GLIS3: variants seen among roughly 807,000 people sequenced by gnomAD.
GLIS3 encodes the protein GLIS family zinc finger 3, also known as zinc finger protein GLIS3.
In GLIS3, 53 loss-of-function variants were observed where a neutral mutation model predicts 78.6. The ratio of observed to expected loss-of-function variants is 0.67; its 90% CI spans 0.54 to 0.85. GLIS3 has a LOEUF of 0.85. Ranked by LOEUF, GLIS3 falls within the 40% of genes least tolerant of loss-of-function variation. GLIS3 has a pLI of 0.00. For synonymous variants in GLIS3, 684 were observed against 509.9 expected (o/e 1.34, Z -4.60); for missense variants, 1,703 against 1,231.1 (o/e 1.38, Z -5.74).
intron 2 of GLIS3, among the ~76,000 whole-genome samples, chr9:4,326,676 T>C (rs1414440824): frequency 6.8e-6 from 1 of 146,722 alleles, no homozygotes; most frequent in Non-Finnish European, 1.5e-5. Context: ...CACCAAAAAG[T>C]AGTTTGAATA....
At chr9:4,339,993 G>C (rs1258106556) in intron 2 of GLIS3, among the ~76,000 whole-genome samples, 2 of 151,478 alleles carry the variant, frequency 1.3e-5, no homozygotes, top group African/African-American at 4.9e-5. Flanking sequence ...TATTGACCAA[G>C]ACACAAAGAC....
chr9:4,022,813 G>C (rs1822998424), intron 4 of GLIS3, among the ~76,000 whole-genome samples: 1 of 152,146 alleles, frequency 6.6e-6, no homozygotes, highest in Non-Finnish European at 1.5e-5. Context: ...AAAGAAACCA[G>C]ACACAAGAAA....
At chr9:4,054,517 C>A (rs565521058) in intron 4 of GLIS3, 1 of 985,026 alleles carries the variant, frequency 1.0e-6, no homozygotes, top group Admixed American at 6.2e-5. Flanking sequence ...TGGCAGTCTA[C>A]AGAGAAGGAG....
At chr9:4,401,077 C>G in the GLIS3 span, among the ~76,000 whole-genome samples, 4 of 152,134 alleles carry the variant, frequency 2.6e-5, no homozygotes, top group African/African-American at 7.2e-5. Flanking sequence ...GGCACCAGCT[C>G]AGCCACAGTA....
chr9:3,851,761 A>C (rs1819447847), intron 9 of GLIS3, among the ~76,000 whole-genome samples: 1 of 152,224 alleles, frequency 6.6e-6, no homozygotes, highest in African/African-American at 2.4e-5. Flanking sequence ...GCATCTACAC[A>C]CAGAGCAATC....
intron 4 of GLIS3, among the ~76,000 whole-genome samples, chr9:3,965,193 C>CTTTTTTTTTTTTTTTTTTTTTT (rs34951383): frequency 3.0e-5 from 3 of 100,152 alleles, no homozygotes; most frequent in African/African-American, 7.9e-5. Context: ...CTTTTCTTTT[C>CTTTTTTTTTTTTTTTTTTTTTT]TTTTTTTTTT....
At chr9:4,422,077 C>G in the GLIS3 span, among the ~76,000 whole-genome samples, 4 of 152,196 alleles carry the variant, frequency 2.6e-5, no homozygotes, top group African/African-American at 4.8e-5. Flanking sequence ...GCAGATTTCT[C>G]AAAAAGTCAA....
At chr9:4,358,208 G>T in the GLIS3 span, among the ~76,000 whole-genome samples, 1 of 152,260 alleles carries the variant, frequency 6.6e-6, no homozygotes, top group East Asian at 1.9e-4. Context: ...GTAAATACTA[G>T]TTGCTGCTAG....
intron 4 of GLIS3, chr9:4,305,400 C>A (rs966949989): frequency 2.0e-5 from 3 of 152,290 alleles, no homozygotes; most frequent in Admixed American, 1.3e-4. Context: ...AAGGTTGAAT[C>A]GGAATTGTGA....
At chr9:3,858,840 A>C (rs1307452557) in intron 8 of GLIS3, among the ~76,000 whole-genome samples, 1 of 152,212 alleles carries the variant, frequency 6.6e-6, no homozygotes, top group Non-Finnish European at 1.5e-5. Context: ...AGTCCAGCAT[A>C]AGAAGTAAGT....
intron 6 of GLIS3, among the ~76,000 whole-genome samples, chr9:3,926,395 T>C (rs1162960094): frequency 6.6e-6 from 1 of 151,958 alleles, no homozygotes; most frequent in Non-Finnish European, 1.5e-5. Context: ...CACGCCTGGC[T>C]AATTTTTTGT....
At chr9:4,083,245 C>G (rs1828710774) in intron 4 of GLIS3, among the ~76,000 whole-genome samples, 1 of 152,128 alleles carries the variant, frequency 6.6e-6, no homozygotes. Context: ...GACCCTCTTA[C>G]TAGAATTTGG....
chr9:4,354,876 G>C, the GLIS3 span, among the ~76,000 whole-genome samples: 1 of 152,134 alleles, frequency 6.6e-6, no homozygotes, highest in Non-Finnish European at 1.5e-5. Flanking sequence ...CAACACTTTG[G>C]GAGGCCGAGG....
At chr9:4,032,962 T>C (rs1823975776) in intron 4 of GLIS3, among the ~76,000 whole-genome samples, 1 of 152,156 alleles carries the variant, frequency 6.6e-6, no homozygotes, top group Non-Finnish European at 1.5e-5. Flanking sequence ...CACACCATTC[T>C]GCTGCCTCAG....
the GLIS3 span, among the ~76,000 whole-genome samples, chr9:4,424,561 T>C: frequency 2.2e-4 from 34 of 152,208 alleles, no homozygotes; most frequent in African/African-American, 7.9e-4. Context: ...TTTGCTTTTG[T>C]TTTTGTTTGT....
chr9:4,349,249 A>C (rs1817931896), upstream of GLIS3, among the ~76,000 whole-genome samples: 1 of 152,216 alleles, frequency 6.6e-6, no homozygotes, highest in Admixed American at 6.5e-5. Flanking sequence ...ACTGGTATGC[A>C]CACTTGCAGA....
intron 2 of GLIS3, among the ~76,000 whole-genome samples, chr9:4,128,914 G>C (rs1366646804): frequency 6.6e-6 from 1 of 152,124 alleles, no homozygotes; most frequent in Non-Finnish European, 1.5e-5. Flanking sequence ...AAGCCAAAAG[G>C]CCAAGAAGCG....
chr9:4,488,916 G>C, the GLIS3 span, among the ~76,000 whole-genome samples: 3 of 151,508 alleles, frequency 2.0e-5, no homozygotes, highest in Non-Finnish European at 4.4e-5. Context: ...GCCTAGGCTG[G>C]AGCGCAGTGG....
intron 2 of GLIS3, among the ~76,000 whole-genome samples, chr9:4,142,523 G>C (rs569345823): frequency 6.6e-6 from 1 of 152,104 alleles, no homozygotes; most frequent in Non-Finnish European, 1.5e-5. Context: ...GCCAGGATGT[G>C]GTCTCCTGTG....
Sources: allele counts gnomAD v4.1 joint callset (sites outside exome capture counted in the v4.1 genomes callset), GRCh38; gene constraint gnomAD v4.1.1; transcripts MANE v1.5; gene names NCBI Gene and HGNC (gene_info 2026-07-23, HGNC 2026-07-21).